The following PFKFB4 variants were observed in gnomAD, a reference collection of about 807,000 sequenced individuals.
PFKFB4 encodes 6-phosphofructo-2-kinase/fructose-2,6-biphosphatase 4.
PFKFB4 carries 42 observed loss-of-function variants against 62.8 expected under a neutral mutation model. The ratio of observed to expected loss-of-function variants is 0.67; its 90% confidence interval spans 0.52 to 0.86. PFKFB4 has a LOEUF of 0.86. Among genes scored for constraint, PFKFB4 ranks in the 40% least tolerant of loss-of-function variants. The probability of loss-of-function intolerance (pLI) is 0.00; values close to 1 mark genes in which losing one functional copy is unlikely to be tolerated. For synonymous variants in PFKFB4, 204 were observed against 240.7 expected (o/e 0.85, Z 1.41); for missense variants, 475 against 627.2 (o/e 0.76, Z 2.59).
chr3:48,546,889 G>C (rs537908747), intron 3 of PFKFB4, among the ~76,000 whole-genome samples: 4 of 152,328 alleles, frequency 2.6e-5, no homozygotes, highest in African/African-American at 9.6e-5. Flanking sequence ...TACACATGTT[G>C]TCAATGTTCA....
chr3:48,534,444 T>C (rs2042526773), intron 9 of PFKFB4, among the ~76,000 whole-genome samples: 1 of 151,980 alleles, frequency 6.6e-6, no homozygotes, highest in South Asian at 2.1e-4. Context: ...ATCAAATTGC[T>C]AAAAATCAGC....
upstream of PFKFB4, chr3:48,562,626 A>G (rs2107620665): frequency 1.5e-6 from 1 of 689,344 alleles, no homozygotes; most frequent in Non-Finnish European, 2.4e-6. This position sits in a 1 kb window ranked among gnomAD's most constrained non-coding sequence, Gnocchi z 4.3. Context: ...GACCTGCATG[A>G]CAGTGGCTCC....
chr3:48,560,549 G>A (rs937333568), upstream of PFKFB4, among the ~76,000 whole-genome samples: 2 of 152,200 alleles, frequency 1.3e-5, no homozygotes, highest in Non-Finnish European at 2.9e-5. Flanking sequence ...GACCAGCAAG[G>A]GCACACAGAA....
rs779133777 is a variant in PFKFB4 at position 48,519,774 on chromosome 3, G to T, written c.1383C>A (p.Ala461=). The change falls in exon 14 of 14, where the codon GCC becomes GCA. Residue 461 remains alanine (A), a synonymous_variant. Coordinates refer to ENST00000232375, the MANE Select transcript of PFKFB4 (RefSeq NM_004567.4). Reference sequence around the variant, plus strand: ...ACTGGTGAGCAGGCACCGTGACAAGGGCTTCCTCTGGAGGTCTTGAGATGT... The same window carrying T: ...ACTGGTGAGCAGGCACCGTGACAAGTGCTTCCTCTGGAGGTCTTGAGATGT... ...NVDISRPPEE[A]LVTVPAHQ is the part of the protein sequence containing the mutation. 13 of 1,613,646 alleles carry T rather than the reference G, an allele frequency of 8.1e-6. No individual in the cohort carries two copies. Among genetic ancestry groups the T allele is most frequent in the Non-Finnish European group, 1.1e-5 (13 of 1,179,818 alleles).
chr3:48,539,885 C>T (rs1354645185), intron 4 of PFKFB4, 114 bp from the exon 5 acceptor site: 1 of 811,118 alleles, frequency 1.2e-6, no homozygotes, highest in East Asian at 2.6e-5. Context: ...GACTGGATTT[C>T]TCATAAGGAC....
upstream of PFKFB4, among the ~76,000 whole-genome samples, chr3:48,560,175 G>A (rs1446774047): frequency 2.6e-5 from 4 of 152,046 alleles, no homozygotes; most frequent in Non-Finnish European, 5.9e-5. Context: ...AGAGACACTG[G>A]CACAGCTGCA....
Position 48,556,653 on chromosome 3 carries a change from C to G in PFKFB4, c.97+28G>C, listed in dbSNP as rs1363735402. ...TACCCACCCATCCCGGTGCACCTCC[C>G]ACCTCCTCCCAGAGGACCCCGCCTC... On this transcript the variant is annotated intron_variant, in intron 1 of 13. Transcript: ENST00000232375. This position sits in a 1 kb window ranked among gnomAD's most constrained non-coding sequence, Gnocchi z 5.7. 2 of 1,608,188 alleles carry G rather than the reference C, an allele frequency of 1.2e-6. No individual in the cohort carries two copies. Among genetic ancestry groups the G allele is most frequent in the Non-Finnish European group, 1.7e-6 (2 of 1,176,850 alleles).
chr3:48,527,803 T>G (rs759963746), intron 9 of PFKFB4, among the ~76,000 whole-genome samples: 7 of 150,336 alleles, frequency 4.7e-5, no homozygotes, highest in South Asian at 4.3e-4. Flanking sequence ...TTCTCCTGCC[T>G]CAGCCTCCTG....
In PFKFB4 at chr3:48,556,705, C is replaced by G; in HGVS notation, c.73G>C (p.Ala25Pro). 2 of 1,611,306 alleles carry G rather than the reference C, an allele frequency of 1.2e-6. No homozygotes were observed. The highest frequency in any genetic ancestry group is 1.3e-5 in the African/African-American group (1 of 74,860). The part of the protein sequence containing the change: ...IWMPYSNGRP[A>P]LHACQRGVCM... Reference sequence around the variant, plus strand: ...CCACCGCGCTGGCAAGCGTGCAGAGCGGGCCGCCCATTGCTGTATGGCATC... The same window carrying G: ...CCACCGCGCTGGCAAGCGTGCAGAGGGGGCCGCCCATTGCTGTATGGCATC... Residue 25 changes from alanine (A) to proline (P), a missense_variant, in exon 1 of 14, where the codon GCT (alanine) becomes CCT (proline). Physicochemically the swap from Ala to Pro is conservative, Grantham distance 27. Coordinates refer to ENST00000232375, the MANE Select transcript of PFKFB4 (RefSeq NM_004567.4). The surrounding 1 kb of genome is among the most constrained non-coding windows in gnomAD (Gnocchi z 5.7).
At chr3:48,519,842 C>G in intron 13 of PFKFB4, 36 bp from the exon 14 acceptor site, 1 of 1,567,936 alleles carries the variant, frequency 6.4e-7, no homozygotes, top group Non-Finnish European at 8.8e-7. Flanking sequence ...CACTCCATGG[C>G]AGGAATAGAT....
chr3:48,558,164 G>A (rs1191069579), upstream of PFKFB4, among the ~76,000 whole-genome samples: 1 of 152,076 alleles, frequency 6.6e-6, no homozygotes, highest in Non-Finnish European at 1.5e-5. Context: ...CTGGGGACAA[G>A]GAACAAGGGA....
In PFKFB4 at chr3:48,556,600, C is replaced by T; in HGVS notation, c.97+81G>A. The T allele has an allele frequency of 1.4e-6, 2 of 1,442,452 alleles. No individual in the cohort carries two copies. The highest frequency in any genetic ancestry group is 1.9e-6 in the Non-Finnish European group (2 of 1,066,658). 89.4% of individuals were successfully genotyped at this position (1,442,452 alleles called of 1,614,324 possible). A position where few individuals can be genotyped will look rare whatever the true frequency, so the allele number is the denominator to read the frequency against. ...TCCCCATCTGTCTCCCGCCCCTTCT[C>T]CATGCGAGACCCCCGCCCAGGCCGC... is the stretch of plus-strand genomic sequence containing the variant. On this transcript the variant is annotated intron_variant, in intron 1 of 13. Coordinates refer to ENST00000232375, the MANE Select transcript of PFKFB4 (RefSeq NM_004567.4). This position sits in a 1 kb window ranked among gnomAD's most constrained non-coding sequence, Gnocchi z 5.7.
chr3:48,551,864 C>T (rs1560179569), intron 1 of PFKFB4, among the ~76,000 whole-genome samples: 1 of 152,090 alleles, frequency 6.6e-6, no homozygotes, highest in Non-Finnish European at 1.5e-5. Flanking sequence ...TGCCATCAAA[C>T]GCGGTCTCAC....
chr3:48,539,540 G>C, intron 5 of PFKFB4, 157 bp downstream of exon 5: 1 of 743,954 alleles, frequency 1.3e-6, no homozygotes, highest in Non-Finnish European at 2.3e-6. Context: ...CCTCTGGAAA[G>C]CAAACCCCAA....
At chr3:48,557,571 C>G (rs2043361926), upstream of PFKFB4, among the ~76,000 whole-genome samples, 1 of 152,046 alleles carries the variant, frequency 6.6e-6, no homozygotes, top group Non-Finnish European at 1.5e-5. Context: ...AGTTTCGCTC[C>G]TGTTGCCCAG....
At chr3:48,550,076 G>A in intron 2 of PFKFB4, 42 bp downstream of exon 2, 1 of 1,476,328 alleles carries the variant, frequency 6.8e-7, no homozygotes, top group Non-Finnish European at 9.5e-7. Context: ...TCTTCGTCAT[G>A]CCCCACAAAG....
intron 4 of PFKFB4, among the ~76,000 whole-genome samples, chr3:48,543,017 T>A (rs2042846429): frequency 6.6e-6 from 1 of 152,048 alleles, no homozygotes; most frequent in Non-Finnish European, 1.5e-5. Flanking sequence ...CAGGCACAGA[T>A]TGTAGCTGGG....
At chr3:48,549,612 C>G (rs1246653503) in intron 3 of PFKFB4, among the ~76,000 whole-genome samples, 2 of 152,134 alleles carry the variant, frequency 1.3e-5, no homozygotes, top group Non-Finnish European at 2.9e-5. Context: ...ACACAACACA[C>G]CCTCTCCTCT....
At chr3:48,561,387 A>G (rs2043431982), upstream of PFKFB4, among the ~76,000 whole-genome samples, 1 of 152,234 alleles carries the variant, frequency 6.6e-6, no homozygotes, top group Non-Finnish European at 1.5e-5. This position sits in a 1 kb window ranked among gnomAD's most constrained non-coding sequence, Gnocchi z 5.2. Context: ...ATGTCCACCT[A>G]GAGTTGTCTG....
Sources: allele counts gnomAD v4.1 joint callset (sites outside exome capture counted in the v4.1 genomes callset), GRCh38; gene constraint gnomAD v4.1.1; non-coding constraint Gnocchi (gnomAD v3.1); transcripts MANE v1.5; gene names NCBI Gene and HGNC (gene_info 2026-07-23, HGNC 2026-07-21).